Variants in SMARCA5 observed in about 807,000 individuals in gnomAD.
The protein encoded by SMARCA5 is SWI/SNF-related matrix-associated actin-dependent regulator of chromatin subfamily A member 5.
SMARCA5 carries 18 observed loss-of-function variants against 140.4 expected under a neutral mutation model. The observed-to-expected ratio is 0.13, with a 90% CI of 0.09 to 0.19. The LOEUF (loss-of-function observed/expected upper bound fraction) is 0.19. Ranked by LOEUF, SMARCA5 falls within the 10% of genes least tolerant of loss-of-function variation. The pLI, the probability that SMARCA5 is intolerant of heterozygous loss-of-function variation, is 1.00. For synonymous variants in SMARCA5, 449 were observed against 419.6 expected (o/e 1.07, Z -0.86); for missense variants, 606 against 1,276.8 (o/e 0.47, Z 8.01).
chr4:143,543,449 C>G, intron 14 of SMARCA5, 60 bp from the exon 15 acceptor site: 1 of 1,398,180 alleles, frequency 7.2e-7, no homozygotes, highest in Non-Finnish European at 9.8e-7. Flanking sequence ...TTTAAAGTTT[C>G]AAGTTTCCAG....
intron 10 of SMARCA5, among the ~76,000 whole-genome samples, chr4:143,535,785 TA>T (rs1367627962): frequency 3.3e-5 from 5 of 152,188 alleles, no homozygotes; most frequent in Non-Finnish European, 7.4e-5. Flanking sequence ...TCCAAGGCTC[TA>T]AAACTTTGAT....
rs1737702221 is a variant in SMARCA5, at chr4:143,554,088, T to G, written c.*904T>G. On this transcript the variant is annotated 3_prime_UTR_variant, in exon 24 of 24. Coordinates refer to ENST00000283131, the MANE Select transcript of SMARCA5 (RefSeq NM_003601.4). Reference sequence around the variant, plus strand: ...CTCCCATTTGGACTTTTAGGGTAAATGAAAATTTTATTGTATTTTAAAGTA... The same window carrying G: ...CTCCCATTTGGACTTTTAGGGTAAAGGAAAATTTTATTGTATTTTAAAGTA... The G allele has an allele frequency of 6.6e-6, 1 of 151,994 alleles. No homozygotes were observed. Among genetic ancestry groups the G allele is most frequent in the Non-Finnish European group, 1.5e-5 (1 of 67,954 alleles). The allele number at this position is 151,994 out of a possible 1,614,324, so 9.4% of individuals were successfully genotyped here. A position where few individuals can be genotyped will look rare whatever the true frequency, so the allele number is the denominator to read the frequency against.
intron 8 of SMARCA5, among the ~76,000 whole-genome samples, chr4:143,529,668 G>C (rs1022946240): frequency 6.6e-6 from 1 of 152,120 alleles, no homozygotes; most frequent in Admixed American, 6.6e-5. Flanking sequence ...GGCGTCTTAT[G>C]TGTATTGGAG....
Position 143,514,199 on chromosome 4 carries a change from T to C in SMARCA5, c.177+98T>C, listed in dbSNP as rs971097953. 28 of 1,128,926 alleles carry C rather than the reference T, an allele frequency of 2.5e-5. No homozygotes were observed. The African/African-American group carries it at 4.1e-4, about 17-fold the overall frequency. The allele number at this position is 1,128,926 out of a possible 1,614,324, so 69.9% of individuals were successfully genotyped here. A position where few individuals can be genotyped will look rare whatever the true frequency, so the allele number is the denominator to read the frequency against. ...GATCGGACGCAGAGCCGGGTTTCTC[T>C]CTCTGCACCAGACTCAGCTTCACAC... On this transcript the variant is annotated intron_variant, in intron 1 of 23. Transcript: ENST00000283131.
At chr4:143,520,449 C>G (rs1045771473) in intron 2 of SMARCA5, among the ~76,000 whole-genome samples, 4 of 152,222 alleles carry the variant, frequency 2.6e-5, no homozygotes, top group African/African-American at 9.6e-5. Flanking sequence ...CAATGAAACA[C>G]TATAACCATG....
intron 1 of SMARCA5, among the ~76,000 whole-genome samples, chr4:143,515,774 C>T (rs1736815939): frequency 6.6e-6 from 1 of 152,078 alleles, no homozygotes; most frequent in African/African-American, 2.4e-5. Flanking sequence ...TAGGTAGAAC[C>T]TGTAATAAAA....
rs1429764671 is a variant in SMARCA5 at position 143,556,875 on chromosome 4, G to A, written c.*3691G>A. 6.6e-6 allele frequency: 1 copy of A among 152,134 alleles called. No individual in the cohort carries two copies. The highest frequency in any genetic ancestry group is 1.5e-5 in the Non-Finnish European group (1 of 68,038). 9.4% of individuals were successfully genotyped at this position (152,134 alleles called of 1,614,324 possible). A position where few individuals can be genotyped will look rare whatever the true frequency, so the allele number is the denominator to read the frequency against. ...TACAGTAGTTACCAGAAAAGACTAT[G>A]CTACAAGAACCAAAATTGAAGTAAG... On this transcript the variant is annotated 3_prime_UTR_variant, in exon 24 of 24. Coordinates refer to ENST00000283131, the MANE Select transcript of SMARCA5 (RefSeq NM_003601.4).
At chr4:143,528,420 C>T (rs1737117426) in intron 7 of SMARCA5, among the ~76,000 whole-genome samples, 163 bp from the exon 8 acceptor site, 2 of 152,204 alleles carry the variant, frequency 1.3e-5, no homozygotes, top group African/African-American at 4.8e-5. Context: ...GATATAAACT[C>T]ATTCTCTTTT....
chr4:143,552,504 G>A (rs543736850), intron 23 of SMARCA5, among the ~76,000 whole-genome samples: 1 of 152,060 alleles, frequency 6.6e-6, no homozygotes, highest in South Asian at 2.1e-4. Context: ...CCTTAATATG[G>A]GGCTTCGTGA....
chr4:143,532,387 C>T (rs749569369), intron 9 of SMARCA5, among the ~76,000 whole-genome samples: 5 of 151,926 alleles, frequency 3.3e-5, no homozygotes, highest in East Asian at 3.9e-4. Context: ...TTAGTAAATA[C>T]GTAGGTACAT....
intron 11 of SMARCA5, among the ~76,000 whole-genome samples, 169 bp from the exon 12 acceptor site, chr4:143,538,421 A>G (rs116097595): frequency 3.9e-5 from 6 of 152,302 alleles, no homozygotes; most frequent in Non-Finnish European, 7.4e-5. Flanking sequence ...CATGGTGAGA[A>G]AAAAGTGGGA....
At chr4:143,544,460 C>T (rs2149824163) in intron 16 of SMARCA5, 1 of 244,506 alleles carries the variant, frequency 4.1e-6, no homozygotes, top group Non-Finnish European at 7.7e-6. Flanking sequence ...CATTTTTCTC[C>T]TAGTTTAGAT....
chr4:143,544,917 C>G, intron 17 of SMARCA5, 70 bp downstream of exon 17: 3 of 714,414 alleles, frequency 4.2e-6, no homozygotes, highest in Admixed American at 5.2e-5. Context: ...TATATTCTTG[C>G]AAAAAGATTG....
At chr4:143,537,744 G>C (rs761198724) in intron 11 of SMARCA5, among the ~76,000 whole-genome samples, 1 of 151,876 alleles carries the variant, frequency 6.6e-6, no homozygotes, top group African/African-American at 2.4e-5. Context: ...GTGAAACCCT[G>C]TCTCTATCAA....
At chr4:143,533,608 C>T (rs962021541) in intron 9 of SMARCA5, among the ~76,000 whole-genome samples, 2 of 149,478 alleles carry the variant, frequency 1.3e-5, no homozygotes, top group South Asian at 2.1e-4. Flanking sequence ...CCCGGGTTCA[C>T]ACCATTCTCC....
chr4:143,536,774 T>C lies in SMARCA5; in HGVS notation c.1495+96T>C, dbSNP rs1737313473. ...CTTTGAAATGACTGCTCTGATGCTTTCCAAGGTTGACGTGTAGAACATTAA... is the reference window on the plus strand; with the variant it reads ...CTTTGAAATGACTGCTCTGATGCTTCCCAAGGTTGACGTGTAGAACATTAA... On this transcript the variant is annotated intron_variant, in intron 11 of 23. Coordinates refer to ENST00000283131, the MANE Select transcript of SMARCA5 (RefSeq NM_003601.4). 6 of 838,730 alleles carry C rather than the reference T, an allele frequency of 7.2e-6. No individual in the cohort carries two copies. The South Asian group carries it at 9.3e-5, about 13-fold the overall frequency. The allele number at this position is 838,730 out of a possible 1,614,324, so 52.0% of individuals were successfully genotyped here. A position where few individuals can be genotyped will look rare whatever the true frequency, so the allele number is the denominator to read the frequency against.
At chr4:143,523,297 G>C (rs1475167639) in intron 3 of SMARCA5, among the ~76,000 whole-genome samples, 1 of 151,620 alleles carries the variant, frequency 6.6e-6, no homozygotes, top group African/African-American at 2.4e-5. Context: ...AAAGTGTTGG[G>C]ATTACAGGCG....
At chr4:143,520,796 G>GT (rs1443629673) in intron 2 of SMARCA5, among the ~76,000 whole-genome samples, 1 of 151,160 alleles carries the variant, frequency 6.6e-6, no homozygotes, top group Non-Finnish European at 1.5e-5. Flanking sequence ...GGCTCTTAAG[G>GT]TTTTTTTTGC....
intron 17 of SMARCA5, among the ~76,000 whole-genome samples, chr4:143,545,183 C>T (rs1390001298): frequency 2.6e-5 from 4 of 152,190 alleles, no homozygotes; most frequent in East Asian, 1.9e-4. Flanking sequence ...CCTCATGATC[C>T]GCCCACCTTG....
Sources: allele counts gnomAD v4.1 joint callset (sites outside exome capture counted in the v4.1 genomes callset), GRCh38; gene constraint gnomAD v4.1.1; transcripts MANE v1.5; gene names NCBI Gene and HGNC (gene_info 2026-07-23, HGNC 2026-07-21).